Variants in GRM8 observed in about 807,000 individuals in gnomAD.
The protein encoded by GRM8 is glutamate metabotropic receptor 8.
GRM8 carries 47 observed loss-of-function variants against 87.2 expected under a neutral mutation model. The ratio of observed to expected loss-of-function variants is 0.54; its 90% confidence interval spans 0.43 to 0.69. The LOEUF is 0.69. Ranked by LOEUF, GRM8 falls within the 30% of genes least tolerant of loss-of-function variation. GRM8 has a pLI of 0.00. For synonymous variants in GRM8, 396 were observed against 404.5 expected (o/e 0.98, Z 0.25); for missense variants, 1,019 against 1,139.2 (o/e 0.89, Z 1.52).
intron 3 of GRM8, among the ~76,000 whole-genome samples, chr7:126,995,046 C>A (rs1114970): frequency 0.29 from 44,163 of 152,050 alleles, 6,945 homozygotes; most frequent in Middle Eastern, 0.36. Flanking sequence ...TTCAGCACAG[C>A]AAGAAAGACT....
Position 126,756,627 on chromosome 7 carries a change from C to T in GRM8, c.1357+13238G>A, listed in dbSNP as rs762537323. Among the ~76,000 whole-genome samples the T allele has an allele frequency of 8.4e-4, 128 of 151,942 alleles. 5 individuals are homozygous for T. Among genetic ancestry groups the T allele is most frequent in the Non-Finnish European group, 2.6e-4 (18 of 67,954 alleles). ...TAAAAAGACATGGAGGAAACCCAAA[C>T]GTATATCAGTAACTGAAAGAGGCAA... On this transcript the variant is annotated intron_variant, in intron 7 of 10. Transcript: ENST00000339582.
chr7:127,141,999 A>G (rs1828297628), intron 2 of GRM8, among the ~76,000 whole-genome samples: 1 of 151,758 alleles, frequency 6.6e-6, no homozygotes, highest in Admixed American at 6.6e-5. Flanking sequence ...GTTTTTTTTT[A>G]AGAGACCGGG....
chr7:127,120,185 A>G (rs1022219966), intron 2 of GRM8, among the ~76,000 whole-genome samples: 6 of 152,208 alleles, frequency 3.9e-5, no homozygotes, highest in Non-Finnish European at 8.8e-5. Context: ...CTATGCAGCT[A>G]TCATCTATGC....
intron 3 of GRM8, among the ~76,000 whole-genome samples, chr7:127,073,528 G>A (rs749565121): frequency 1.6e-4 from 24 of 152,116 alleles, no homozygotes; most frequent in Non-Finnish European, 3.1e-4. Context: ...CACAAGACTC[G>A]TTTATTACCC....
chr7:126,924,220 T>A (rs1356096032), intron 3 of GRM8, among the ~76,000 whole-genome samples: 1 of 152,210 alleles, frequency 6.6e-6, no homozygotes, highest in Non-Finnish European at 1.5e-5. Context: ...AACTGACAGA[T>A]AATTTGGGAT....
chr7:126,975,727 A>T (rs1810917165), intron 3 of GRM8, among the ~76,000 whole-genome samples: 1 of 152,210 alleles, frequency 6.6e-6, no homozygotes, highest in Non-Finnish European at 1.5e-5. Context: ...TTCAATAATT[A>T]TCTCCGGTAG....
At chr7:126,921,684 A>G (rs1476221450) in intron 3 of GRM8, among the ~76,000 whole-genome samples, 3 of 152,180 alleles carry the variant, frequency 2.0e-5, no homozygotes, top group African/African-American at 7.2e-5. Flanking sequence ...TTATAAGAAA[A>G]AATGAGTTTT....
chr7:127,201,150 CTT>C (rs961023044), intron 2 of GRM8, among the ~76,000 whole-genome samples: 2 of 152,120 alleles, frequency 1.3e-5, no homozygotes, highest in African/African-American at 4.8e-5. Context: ...TGACTGGTCT[CTT>C]TTTACAGATA....
At chr7:127,123,930 T>C (rs953369384) in intron 2 of GRM8, among the ~76,000 whole-genome samples, 3 of 152,120 alleles carry the variant, frequency 2.0e-5, no homozygotes. Context: ...ACCTTTGCTA[T>C]CTAAAGTGAA....
chr7:126,838,282 C>G (rs957248870), intron 6 of GRM8, among the ~76,000 whole-genome samples: 1 of 152,134 alleles, frequency 6.6e-6, no homozygotes, highest in African/African-American at 2.4e-5. Flanking sequence ...AAAAGTGTTT[C>G]CCTGAAACAT....
At chr7:126,573,678 G>A (rs910928193) in intron 8 of GRM8, among the ~76,000 whole-genome samples, 4 of 151,476 alleles carry the variant, frequency 2.6e-5, no homozygotes, top group Admixed American at 1.3e-4. Flanking sequence ...TCCGCCTCCC[G>A]GGTTCAAGTG....
intron 1 of GRM8, among the ~76,000 whole-genome samples, chr7:127,246,036 T>A (rs1798570568): frequency 6.6e-6 from 1 of 152,202 alleles, no homozygotes; most frequent in African/African-American, 2.4e-5. Context: ...TTTGTCACTT[T>A]AAAAAATAAA....
intron 3 of GRM8, among the ~76,000 whole-genome samples, chr7:127,043,454 T>G: frequency 6.6e-6 from 1 of 152,216 alleles, no homozygotes; most frequent in Non-Finnish European, 1.5e-5. Flanking sequence ...GATGAGTTCA[T>G]GTCCTTTGTA....
chr7:126,461,458 C>T (rs545560038), intron 9 of GRM8, among the ~76,000 whole-genome samples: 10 of 151,676 alleles, frequency 6.6e-5, no homozygotes, highest in African/African-American at 1.9e-4. Context: ...TGTTTCCACC[C>T]CAGACTTTCA....
intron 3 of GRM8, among the ~76,000 whole-genome samples, chr7:127,004,519 C>A (rs570613544): frequency 1.3e-5 from 2 of 151,544 alleles, no homozygotes; most frequent in East Asian, 1.9e-4. Context: ...TATGGTACAA[C>A]AAAGCTTCAC....
chr7:126,533,868 G>A lies in GRM8; in HGVS notation c.1514C>T (p.Ala505Val). 6.2e-7 allele frequency: 1 copy of A among 1,612,830 alleles called. No homozygotes were observed. The highest frequency in any genetic ancestry group is 8.5e-7 in the Non-Finnish European group (1 of 1,179,214). ...LHLKVEDMQW[A>V]HREHTHPASV... ...CGCCGGGTGAGTATGTTCTCTATGAGCCCACTGCATGTCTTCCACCTGTGG... is the reference window on the plus strand; with the variant it reads ...CGCCGGGTGAGTATGTTCTCTATGAACCCACTGCATGTCTTCCACCTGTGG... Residue 505 changes from alanine (A) to valine (V), a missense_variant, in exon 9 of 11, where the codon GCT (alanine) becomes GTT (valine). By Grantham distance (64) the Ala-to-Val change is moderately conservative. Coordinates refer to ENST00000339582, the MANE Select transcript of GRM8 (RefSeq NM_000845.3).
chr7:126,524,661 G>A (rs1245627563), intron 9 of GRM8, among the ~76,000 whole-genome samples: 1 of 151,910 alleles, frequency 6.6e-6, no homozygotes, highest in East Asian at 1.9e-4. Flanking sequence ...TTGCATTTAT[G>A]CTCAACATGT....
Position 126,910,777 on chromosome 7 carries a change from G to A in GRM8, c.728-6094C>T, listed in dbSNP as rs184525432. Among the ~76,000 whole-genome samples the A allele has an allele frequency of 1.4e-3, 211 of 152,298 alleles. 1 individual carries two copies. The highest frequency in any genetic ancestry group is 5.0e-3 in the African/African-American group (207 of 41,558). On this transcript the variant is annotated intron_variant, in intron 3 of 10. Transcript: ENST00000339582. The stretch of plus-strand genomic sequence containing the variant: ...AATTTTTACCCCTTTAGAAGGCTGA[G>A]ACTTGTGGGTGAGTGGTCAGGTGTC...
intron 3 of GRM8, among the ~76,000 whole-genome samples, chr7:127,007,226 A>G (rs771281263): frequency 1.3e-5 from 2 of 152,026 alleles, no homozygotes; most frequent in Non-Finnish European, 2.9e-5. Flanking sequence ...TGGTAGATAC[A>G]GTACTTGTTT....
Sources: gnomAD v4.1 joint callset for allele counts (sites outside exome capture counted in the v4.1 genomes callset) on GRCh38, gnomAD v4.1.1 for gene constraint, MANE v1.5 for transcripts, NCBI Gene and HGNC (gene_info 2026-07-23, HGNC 2026-07-21) for gene names.